CPPED1: variants seen among roughly 807,000 people sequenced by gnomAD.
CPPED1 encodes calcineurin like phosphoesterase domain containing 1.
Under a neutral mutation model 28.0 loss-of-function variants are expected in CPPED1, and 28 were observed. The ratio of observed to expected loss-of-function variants is 1.00; its 90% CI spans 0.74 to 1.37. The LOEUF is 1.37. Ranked by LOEUF, CPPED1 falls within the 40% of genes most tolerant of loss-of-function variation. The pLI is 0.00. For missense variants in CPPED1, 504 were observed against 416.5 expected, an observed-to-expected ratio of 1.21 and a Z score of -1.83; for synonymous variants, 198 against 180.2, an observed-to-expected ratio of 1.10 and a Z score of -0.79.
intron 1 of CPPED1, among the ~76,000 whole-genome samples, chr16:12,791,956 C>CTT (rs371249356): frequency 2.9e-4 from 42 of 145,596 alleles, no homozygotes; most frequent in African/African-American, 1.0e-3. Context: ...CCAGCGGTAT[C>CTT]TTTTTTTTTT....
At chr16:12,771,356 G>A (rs370775239) in intron 2 of CPPED1, among the ~76,000 whole-genome samples, 10 of 152,174 alleles carry the variant, frequency 6.6e-5, no homozygotes, top group East Asian at 3.8e-4. Context: ...CCATGTGCTG[G>A]CTTCTTGCTA....
intron 2 of CPPED1, among the ~76,000 whole-genome samples, chr16:12,714,417 A>G (rs2080096355): frequency 6.6e-6 from 1 of 152,176 alleles, no homozygotes; most frequent in African/African-American, 2.4e-5. Flanking sequence ...GCAATGTATG[A>G]GGGTCCCAAT....
At chr16:12,792,324 C>T (rs2080601536) in intron 1 of CPPED1, among the ~76,000 whole-genome samples, 1 of 152,082 alleles carries the variant, frequency 6.6e-6, no homozygotes, top group African/African-American at 2.4e-5. Flanking sequence ...ATGATTCTGA[C>T]ACATAACAAT....
rs917876032 is a variant in CPPED1, at chr16:12,682,299, G to C, written c.716-17184C>G. Among the ~76,000 whole-genome samples, 9 of 152,114 alleles carry C rather than the reference G, an allele frequency of 5.9e-5. No individual in the cohort carries two copies. Among genetic ancestry groups the C allele is most frequent in the African/African-American group, 2.2e-4 (9 of 41,406 alleles). On this transcript the variant is annotated intron_variant, in intron 3 of 3. Coordinates refer to ENST00000381774, the MANE Select transcript of CPPED1 (RefSeq NM_018340.3). The surrounding 1 kb of genome is among the most constrained non-coding windows in gnomAD (Gnocchi z 6.1). ...ATCGACCCACTTTGGTCTCCCAAAA[G>C]TGCTGAGATTACAGACACGAGCCAC...
intron 3 of CPPED1, among the ~76,000 whole-genome samples, chr16:12,665,583 G>C: frequency 6.6e-6 from 1 of 151,952 alleles, no homozygotes; most frequent in Admixed American, 6.6e-5. Context: ...CTTGAGGTCA[G>C]GAGTTCGAGA....
Position 12,735,001 on chromosome 16 carries a change from G to A in CPPED1, c.290-29952C>T, listed in dbSNP as rs190914879. ...GGCTCAAGACAGATCTTGGGTCAAAGCCAGGGCAATAGGGTGAACCCCACC... is the reference window on the plus strand; with the variant it reads ...GGCTCAAGACAGATCTTGGGTCAAAACCAGGGCAATAGGGTGAACCCCACC... On this transcript the variant is annotated intron_variant, in intron 2 of 3. Transcript: ENST00000381774. Among the ~76,000 whole-genome samples, 184 of 152,292 alleles carry A rather than the reference G, an allele frequency of 1.2e-3. 1 individual carries two copies. Among genetic ancestry groups the A allele is most frequent in the African/African-American group, 3.9e-3 (162 of 41,572 alleles).
chr16:12,802,428 C>G (rs970974288), intron 1 of CPPED1, among the ~76,000 whole-genome samples: 1 of 151,966 alleles, frequency 6.6e-6, no homozygotes, highest in Non-Finnish European at 1.5e-5. Flanking sequence ...ATGGAGAAAC[C>G]CCATCTCTAC....
chr16:12,728,662 A>G (rs901880000), intron 2 of CPPED1, among the ~76,000 whole-genome samples: 2 of 152,214 alleles, frequency 1.3e-5, no homozygotes, highest in African/African-American at 4.8e-5. Context: ...ACTCTACAAC[A>G]AGATGCTACA....
intron 2 of CPPED1, among the ~76,000 whole-genome samples, chr16:12,778,723 T>C (rs2080512731): frequency 6.6e-6 from 1 of 152,270 alleles, no homozygotes; most frequent in African/African-American, 2.4e-5. Flanking sequence ...ATGAGCTAAA[T>C]GAGAGGGAAA....
At chr16:12,778,448 T>C (rs2080511268) in intron 2 of CPPED1, among the ~76,000 whole-genome samples, 1 of 150,884 alleles carries the variant, frequency 6.6e-6, no homozygotes, top group Non-Finnish European at 1.5e-5. Context: ...GGCTAATTTT[T>C]GTATTTTAGT....
chr16:12,727,744 C>A (rs984645605), intron 2 of CPPED1, among the ~76,000 whole-genome samples: 66 of 152,162 alleles, frequency 4.3e-4, no homozygotes, highest in African/African-American at 1.5e-3. Flanking sequence ...CATCATAACC[C>A]TGCACTAAAG....
intron 2 of CPPED1, among the ~76,000 whole-genome samples, chr16:12,726,909 G>A (rs905896577): frequency 6.6e-6 from 1 of 152,132 alleles, no homozygotes; most frequent in African/African-American, 2.4e-5. Flanking sequence ...ACGGGGCTAG[G>A]TGCCTGGGAG....
intron 2 of CPPED1, among the ~76,000 whole-genome samples, chr16:12,767,573 C>G (rs892561018): frequency 6.6e-6 from 1 of 152,192 alleles, no homozygotes; most frequent in Non-Finnish European, 1.5e-5. Flanking sequence ...AGCATCTATG[C>G]AAACACACTG....
chr16:12,740,547 T>C (rs369362674), intron 2 of CPPED1, among the ~76,000 whole-genome samples: 1 of 152,176 alleles, frequency 6.6e-6, no homozygotes, highest in African/African-American at 2.4e-5. Context: ...CTCATGGAGT[T>C]TACCGTCTAC....
In CPPED1 at chr16:12,744,291, AGAGAGAAAGCAAGCAAGC is replaced by A. The variant is rs1366300974; in HGVS notation, c.289+36876_289+36893del. 1.4e-3 allele frequency among the ~76,000 whole-genome samples: 193 copies of A among 138,808 alleles called. 1 individual carries two copies. Among genetic ancestry groups the A allele is most frequent in the Admixed American group, 8.1e-3 (108 of 13,398 alleles). 91.1% of individuals were successfully genotyped at this position (138,808 alleles called of 152,430 possible). A position where few individuals can be genotyped will look rare whatever the true frequency, so the allele number is the denominator to read the frequency against. ...GTGAAAGAGAGAGAGAGAGAGAGAG[AGAGAGAAAGCAAGCAAGC>A]AAGCAAGCAAGCAAGCAAGCAAGCA... On this transcript the variant is annotated intron_variant, in intron 2 of 3. Coordinates refer to ENST00000381774, the MANE Select transcript of CPPED1 (RefSeq NM_018340.3).
intron 2 of CPPED1, among the ~76,000 whole-genome samples, chr16:12,737,963 GTCA>G (rs1256364061): frequency 1.3e-5 from 2 of 152,186 alleles, no homozygotes; most frequent in Non-Finnish European, 2.9e-5. Flanking sequence ...CCAGGACAAA[GTCA>G]TCATGGAAAT....
At chr16:12,753,675 T>C (rs1051212908) in intron 2 of CPPED1, among the ~76,000 whole-genome samples, 3 of 152,116 alleles carry the variant, frequency 2.0e-5, no homozygotes, top group Non-Finnish European at 4.4e-5. Flanking sequence ...TCCCCCTTCC[T>C]CAGAATCCAT....
At chr16:12,797,813 T>C (rs776202226) in intron 1 of CPPED1, among the ~76,000 whole-genome samples, 3 of 151,916 alleles carry the variant, frequency 2.0e-5, no homozygotes, top group Non-Finnish European at 2.9e-5. Context: ...AGACCATGGG[T>C]TGGACAAGCT....
chr16:12,723,379 G>A (rs2080152514), intron 2 of CPPED1, among the ~76,000 whole-genome samples: 1 of 152,198 alleles, frequency 6.6e-6, no homozygotes, highest in South Asian at 2.1e-4. Context: ...TCATATGACT[G>A]CAACTGGACA....
Sources: gnomAD v4.1 joint callset for allele counts (sites outside exome capture counted in the v4.1 genomes callset) on GRCh38, gnomAD v4.1.1 for gene constraint, Gnocchi (gnomAD v3.1) non-coding constraint, MANE v1.5 for transcripts, NCBI Gene and HGNC (gene_info 2026-07-23, HGNC 2026-07-21) for gene names.